Variants in LMBR1 observed in about 807,000 individuals in gnomAD.
LMBR1 encodes limb development membrane protein 1.
Under a neutral mutation model 73.9 loss-of-function variants are expected in LMBR1, and 52 were observed. That is an observed-to-expected ratio of 0.70 (90% CI 0.56 to 0.89). LMBR1 has a LOEUF of 0.89. LMBR1 is among the 40% of genes least tolerant of loss of function. The pLI is 0.00. For missense variants in LMBR1, 539 were observed against 579.8 expected (o/e 0.93, Z 0.72); for synonymous variants, 215 against 209.4 (o/e 1.03, Z -0.23).
At chr7:156,767,294 G>A (rs1388361265) in intron 5 of LMBR1, among the ~76,000 whole-genome samples, 1 of 152,060 alleles carries the variant, frequency 6.6e-6, no homozygotes, top group East Asian at 1.9e-4. Flanking sequence ...TGAAGTGACT[G>A]CACGGAATTG....
chr7:156,836,930 C>T (rs1404481288), intron 1 of LMBR1, 45 bp from the exon 2 acceptor site: 1 of 1,243,872 alleles, frequency 8.0e-7, no homozygotes. Flanking sequence ...TTTTGCATAT[C>T]TTTTTTAAAT....
chr7:156,856,796 G>C (rs1333426436), intron 1 of LMBR1, among the ~76,000 whole-genome samples: 2 of 151,518 alleles, frequency 1.3e-5, no homozygotes, highest in African/African-American at 4.9e-5. Context: ...TAATCTAACA[G>C]ACAACAATTT....
intron 15 of LMBR1, among the ~76,000 whole-genome samples, chr7:156,706,948 G>A (rs748141047): frequency 6.1e-5 from 9 of 148,612 alleles, no homozygotes; most frequent in Non-Finnish European, 1.3e-4. Flanking sequence ...AAAATGAAAA[G>A]TTGGTTCTTC....
chr7:156,891,320 T>G (rs1165207748), intron 1 of LMBR1, among the ~76,000 whole-genome samples: 2 of 142,984 alleles, frequency 1.4e-5, no homozygotes, highest in Admixed American at 7.1e-5. Context: ...TAGAAACTAC[T>G]GAAGTGCCCA....
At chr7:156,787,482 C>T (rs1043938065) in intron 5 of LMBR1, among the ~76,000 whole-genome samples, 3 of 151,980 alleles carry the variant, frequency 2.0e-5, no homozygotes, top group Non-Finnish European at 2.9e-5. Context: ...AAAAAAAACT[C>T]ATGAGGTGAC....
At chr7:156,793,737 C>A (rs1249801415) in intron 5 of LMBR1, among the ~76,000 whole-genome samples, 1 of 152,046 alleles carries the variant, frequency 6.6e-6, no homozygotes, top group Admixed American at 6.6e-5. Context: ...TTAAAGACTA[C>A]CTCGAAGATA....
chr7:156,807,568 T>G (rs1832366986), intron 4 of LMBR1, among the ~76,000 whole-genome samples: 1 of 152,224 alleles, frequency 6.6e-6, no homozygotes, highest in Non-Finnish European at 1.5e-5. Flanking sequence ...GGTCTCTTCT[T>G]TTTTGCTGAT....
chr7:156,688,039 T>G lies in LMBR1; in HGVS notation c.1378A>C (p.Lys460Gln). The G allele has an allele frequency of 1.2e-6, 2 of 1,603,180 alleles. No individual in the cohort carries two copies. The highest frequency in any genetic ancestry group is 2.3e-5 in the South Asian group (2 of 88,030). Residue 460 changes from lysine (K) to glutamine (Q), a missense_variant, in exon 16 of 17, where the codon AAG (lysine) becomes CAG (glutamine). Physicochemically the swap from Lys to Gln is moderately conservative, Grantham distance 53 (BLOSUM62 1). This residue lies in a region of LMBR1 where 69 missense variants were observed against 68.5 expected (regional missense o/e 1.01). Coordinates refer to ENST00000353442, the MANE Select transcript of LMBR1 (RefSeq NM_022458.4). ...TAAACCTCAGGATTACCTAGGGCCT[T>G]GAAAAGTTCTTCTCGAACTGCAGAG... ...FTSAVREELFKALGLHKLHLP... is the reference protein window; with the variant it reads ...FTSAVREELFQALGLHKLHLP...
At chr7:156,887,601 C>T (rs570047602) in intron 1 of LMBR1, among the ~76,000 whole-genome samples, 1 of 151,888 alleles carries the variant, frequency 6.6e-6, no homozygotes, top group East Asian at 1.9e-4. Flanking sequence ...GGTGATGATG[C>T]CAGTTGGTGA....
At chr7:156,825,764 T>C (rs62492666) in intron 4 of LMBR1, among the ~76,000 whole-genome samples, 3,112 of 152,264 alleles carry the variant, frequency 0.02, 47 homozygotes, top group Middle Eastern at 0.051. Flanking sequence ...TTACTTTACA[T>C]ACATCATTCC....
chr7:156,860,992 G>A (rs1797640461), intron 1 of LMBR1, among the ~76,000 whole-genome samples: 1 of 152,206 alleles, frequency 6.6e-6, no homozygotes. Context: ...GCTGTCAGTG[G>A]ACGTACCATT....
chr7:156,756,340 T>C, intron 9 of LMBR1, 53 bp downstream of exon 9: 1 of 884,590 alleles, frequency 1.1e-6, no homozygotes, highest in Non-Finnish European at 1.9e-6. Flanking sequence ...ATCTATCTTT[T>C]TGAAATTAAA....
chr7:156,799,941 T>C (rs2365744), intron 4 of LMBR1, among the ~76,000 whole-genome samples: 67,106 of 152,034 alleles, frequency 0.44, 14,977 homozygotes, highest in East Asian at 0.61. Context: ...CTGAGCAAGG[T>C]TGTAACTCTT....
chr7:156,746,393 T>C (rs1472025009), intron 9 of LMBR1, among the ~76,000 whole-genome samples: 1 of 152,128 alleles, frequency 6.6e-6, no homozygotes, highest in East Asian at 1.9e-4. Context: ...TGATGCCAAT[T>C]TGAAATTAAG....
At position 156,880,623 on chromosome 7, in the gene LMBR1, C is replaced by T. The variant is rs552315272; in HGVS notation, c.66+12305G>A. Among the ~76,000 whole-genome samples the T allele has an allele frequency of 1.1e-4, 16 of 152,170 alleles. No homozygotes were observed. The South Asian group carries it at 3.1e-3, about 30-fold the overall frequency. ...ATATCCATAATACCCAAGCAATTTA[C>T]AGACTCAATGCAATCCCTATCAAAA... On this transcript the variant is annotated intron_variant, in intron 1 of 16. Transcript: ENST00000353442.
At chr7:156,711,104 A>G (rs952803282) in intron 15 of LMBR1, among the ~76,000 whole-genome samples, 1 of 152,170 alleles carries the variant, frequency 6.6e-6, no homozygotes, top group Non-Finnish European at 1.5e-5. Flanking sequence ...AGGTCAGGAG[A>G]TCGAGACCAT....
intron 5 of LMBR1, among the ~76,000 whole-genome samples, chr7:156,793,999 C>T (rs1829675219): frequency 6.6e-6 from 1 of 152,180 alleles, no homozygotes; most frequent in Non-Finnish European, 1.5e-5. Flanking sequence ...AGCTAGAATC[C>T]CATCTCCCTC....
chr7:156,795,034 T>G (rs371101211), intron 5 of LMBR1, among the ~76,000 whole-genome samples: 1 of 152,218 alleles, frequency 6.6e-6, no homozygotes, highest in Non-Finnish European at 1.5e-5. Context: ...GCCTCCAGAA[T>G]TCGACCCTGG....
chr7:156,776,971 G>A (rs901773875), intron 5 of LMBR1, among the ~76,000 whole-genome samples: 1 of 147,298 alleles, frequency 6.8e-6, no homozygotes, highest in African/African-American at 2.5e-5. Flanking sequence ...CTCGCCTGTC[G>A]CCCAGGCTGG....
Sources: allele counts gnomAD v4.1 joint callset (sites outside exome capture counted in the v4.1 genomes callset), GRCh38; gene constraint gnomAD v4.1.1; regional missense constraint gnomAD v4.1.1; transcripts MANE v1.5; gene names NCBI Gene and HGNC (gene_info 2026-07-23, HGNC 2026-07-21).